Variants in AGMO observed in about 807,000 individuals in gnomAD.
AGMO encodes glyceryl-ether monooxygenase.
In AGMO, 75 loss-of-function variants were observed where a neutral mutation model predicts 60.2. That is an observed-to-expected ratio of 1.25 (90% CI 1.03 to 1.51). AGMO has a LOEUF of 1.51. Among genes scored for constraint, AGMO ranks in the 40% most tolerant of loss-of-function variants. The pLI is 0.00. For synonymous variants in AGMO, 261 were observed against 177.1 expected (o/e 1.47, Z -3.76); for missense variants, 763 against 525.5 (o/e 1.45, Z -4.42).
At chr7:15,176,231 T>C in the AGMO span, among the ~76,000 whole-genome samples, 2 of 151,972 alleles carry the variant, frequency 1.3e-5, no homozygotes, top group Non-Finnish European at 2.9e-5. Flanking sequence ...TCAAAAAAGT[T>C]TTTTATCCTG....
chr7:15,191,933 G>A, the AGMO span, among the ~76,000 whole-genome samples: 15,028 of 149,600 alleles, frequency 0.1, 876 homozygotes, highest in East Asian at 0.15. Context: ...ATCATTGATC[G>A]AATAAAATCT....
At position 15,387,447 on chromosome 7, in the gene AGMO, G is replaced by C. The variant is rs766369258; in HGVS notation, c.916C>G (p.Pro306Ala). 17 of 1,613,906 alleles carry C rather than the reference G, an allele frequency of 1.1e-5. No individual in the cohort carries two copies. Among genetic ancestry groups the C allele is most frequent in the South Asian group, 3.3e-5 (3 of 91,068 alleles). ...SVIFKGPGWG[P>A]GKPRLGLSEE... ...CTGAGACCAAGTCTTGGTTTACCTGGACCCCATCCCGGTCCCTTAAATATG... is the reference window on the plus strand; with the variant it reads ...CTGAGACCAAGTCTTGGTTTACCTGCACCCCATCCCGGTCCCTTAAATATG... The change falls in exon 9 of 13, where the codon CCA becomes GCA. Residue 306 changes from proline (P) to alanine (A), a missense_variant. Transcript: ENST00000342526.
At chr7:15,133,616 T>C in the AGMO span, among the ~76,000 whole-genome samples, 1 of 152,162 alleles carries the variant, frequency 6.6e-6, no homozygotes, top group Non-Finnish European at 1.5e-5. Flanking sequence ...AGCTAGGATT[T>C]TTTTTTGAAG....
chr7:15,418,282 T>C (rs559327287), intron 5 of AGMO, among the ~76,000 whole-genome samples: 1 of 152,154 alleles, frequency 6.6e-6, no homozygotes, highest in East Asian at 1.9e-4. Context: ...TAAACTGTAA[T>C]ACAGGAAGAT....
At chr7:15,334,588 G>C (rs1435752678) in intron 12 of AGMO, among the ~76,000 whole-genome samples, 1 of 152,088 alleles carries the variant, frequency 6.6e-6, no homozygotes, top group Non-Finnish European at 1.5e-5. Flanking sequence ...AGATATTAAA[G>C]GCTCACTTTC....
intron 12 of AGMO, among the ~76,000 whole-genome samples, chr7:15,226,993 C>T (rs563343715): frequency 6.6e-6 from 1 of 152,078 alleles, no homozygotes; most frequent in African/African-American, 2.4e-5. Flanking sequence ...AAGAATGTTG[C>T]GTTATTTCCT....
At chr7:15,385,274 A>G (rs1783865865) in intron 10 of AGMO, among the ~76,000 whole-genome samples, 172 bp downstream of exon 10, 1 of 152,220 alleles carries the variant, frequency 6.6e-6, no homozygotes, top group East Asian at 1.9e-4. Flanking sequence ...TCATTCATTT[A>G]CATTTAGTAG....
At chr7:15,154,445 C>T in the AGMO span, among the ~76,000 whole-genome samples, 2 of 152,114 alleles carry the variant, frequency 1.3e-5, no homozygotes, top group Non-Finnish European at 2.9e-5. Flanking sequence ...TTTTGGTTTT[C>T]ATTTGCTTGA....
At chr7:15,163,177 C>T in the AGMO span, among the ~76,000 whole-genome samples, 10 of 152,140 alleles carry the variant, frequency 6.6e-5, no homozygotes, top group South Asian at 1.9e-3. Flanking sequence ...GATTTTGTAT[C>T]CTGAAAATTT....
intron 12 of AGMO, among the ~76,000 whole-genome samples, chr7:15,217,195 G>C (rs925425948): frequency 2.0e-5 from 3 of 151,978 alleles, no homozygotes; most frequent in African/African-American, 7.2e-5. Context: ...TCTACAATTT[G>C]TCATATGAAA....
intron 12 of AGMO, among the ~76,000 whole-genome samples, chr7:15,305,064 A>G (rs1190635749): frequency 2.0e-5 from 3 of 151,942 alleles, no homozygotes; most frequent in Non-Finnish European, 4.4e-5. Context: ...TTTGAAATAT[A>G]TAAATAAAAG....
chr7:15,536,578 A>G (rs1784487898), intron 3 of AGMO, among the ~76,000 whole-genome samples: 1 of 151,870 alleles, frequency 6.6e-6, no homozygotes, highest in Non-Finnish European at 1.5e-5. Flanking sequence ...CTGATTCACA[A>G]TAGAATAAAC....
At chr7:15,290,232 T>C (rs1214103496) in intron 12 of AGMO, among the ~76,000 whole-genome samples, 3 of 152,014 alleles carry the variant, frequency 2.0e-5, no homozygotes. Context: ...TTTCACCATA[T>C]TGGTCAGGCT....
At chr7:15,214,113 CAGAG>C (rs1164545412) in intron 12 of AGMO, among the ~76,000 whole-genome samples, 2 of 151,722 alleles carry the variant, frequency 1.3e-5, no homozygotes, top group African/African-American at 2.4e-5. Flanking sequence ...GGGAGAGAGA[CAGAG>C]AGGAAGAAAT....
chr7:15,393,401 A>G (rs559117038), intron 6 of AGMO, among the ~76,000 whole-genome samples: 132 of 152,248 alleles, frequency 8.7e-4, no homozygotes, highest in Non-Finnish European at 1.4e-3. Context: ...CCTTGCATGT[A>G]GCAATGGTTT....
intron 5 of AGMO, among the ~76,000 whole-genome samples, chr7:15,404,662 C>G (rs1330238938): frequency 6.6e-6 from 1 of 151,758 alleles, no homozygotes. Flanking sequence ...GTTAAGTAAT[C>G]CGTGTCCAAA....
At chr7:15,151,115 C>G in the AGMO span, among the ~76,000 whole-genome samples, 1 of 152,004 alleles carries the variant, frequency 6.6e-6, no homozygotes. Flanking sequence ...CAGAAGTGTT[C>G]ACAATAGTCT....
chr7:15,265,018 C>A (rs1475405394), intron 12 of AGMO, among the ~76,000 whole-genome samples: 1 of 152,030 alleles, frequency 6.6e-6, no homozygotes, highest in Non-Finnish European at 1.5e-5. Flanking sequence ...AGAGCAAAGA[C>A]ATGGAATAAA....
intron 3 of AGMO, among the ~76,000 whole-genome samples, chr7:15,467,043 A>T (rs1202891598): frequency 6.6e-6 from 1 of 152,210 alleles, no homozygotes; most frequent in Non-Finnish European, 1.5e-5. Context: ...CTGTTGCAAT[A>T]ATATCCTAAA....
Sources: allele counts gnomAD v4.1 joint callset (sites outside exome capture counted in the v4.1 genomes callset), GRCh38; gene constraint gnomAD v4.1.1; transcripts MANE v1.5; gene names NCBI Gene and HGNC (gene_info 2026-07-23, HGNC 2026-07-21).